Variants in DHX35 observed in about 807,000 individuals in gnomAD.
The protein encoded by DHX35 is probable ATP-dependent RNA helicase DHX35.
In DHX35, 84 loss-of-function variants were observed where a neutral mutation model predicts 99.6. That is an observed-to-expected ratio of 0.84 (90% CI 0.71 to 1.01). The LOEUF (loss-of-function observed/expected upper bound fraction) is 1.01. DHX35 is among the 50% of genes least tolerant of loss of function. The pLI, the probability that DHX35 is intolerant of heterozygous loss-of-function variation, is 0.00. For synonymous variants in DHX35, 331 were observed against 316.2 expected (o/e 1.05, Z -0.50); for missense variants, 852 against 888.5 (o/e 0.96, Z 0.52).
chr20:38,994,888 C>A lies in DHX35; in HGVS notation c.642+8C>A. The A allele has an allele frequency of 1.2e-6, 2 of 1,612,842 alleles. No homozygotes were observed. Among genetic ancestry groups the A allele is most frequent in the Non-Finnish European group, 1.7e-6 (2 of 1,178,928 alleles). The stretch of plus-strand genomic sequence containing the variant: ...GCCACTCTGGATGCAGACGTAAGAG[C>A]CTTGCCTCCCCTTTCCTCCTCTCCT... On this transcript the variant is annotated splice_region_variant and intron_variant, in intron 8 of 21. Coordinates refer to ENST00000252011, the MANE Select transcript of DHX35 (RefSeq NM_021931.4).
At chr20:38,988,076 G>A (rs546997424) in intron 4 of DHX35, among the ~76,000 whole-genome samples, 8 of 152,274 alleles carry the variant, frequency 5.3e-5, no homozygotes, top group African/African-American at 1.4e-4. Flanking sequence ...TGTGCCCTTT[G>A]TTTAGGAACA....
chr20:39,022,092 G>T, intron 16 of DHX35, among the ~76,000 whole-genome samples, 157 bp downstream of exon 16: 1 of 152,194 alleles, frequency 6.6e-6, no homozygotes, highest in East Asian at 1.9e-4. Flanking sequence ...TGTGTCAGGT[G>T]TTTTGCAGGC....
At chr20:38,989,544 G>A (rs2086305755) in intron 5 of DHX35, among the ~76,000 whole-genome samples, 3 of 152,078 alleles carry the variant, frequency 2.0e-5, no homozygotes, top group Admixed American at 2.0e-4. Context: ...GATATTATAT[G>A]CCAATCAGTG....
At chr20:38,977,027 C>G (rs761444020) in intron 3 of DHX35, among the ~76,000 whole-genome samples, 3 of 152,154 alleles carry the variant, frequency 2.0e-5, no homozygotes, top group Non-Finnish European at 4.4e-5. Flanking sequence ...TAGGCTGATT[C>G]CATGTCTCGG....
intron 17 of DHX35, 103 bp from the exon 18 acceptor site, chr20:39,025,127 G>A (rs371085324): frequency 1.3e-4 from 170 of 1,347,562 alleles, no homozygotes; most frequent in Admixed American, 1.7e-4. Flanking sequence ...ATCTTATGCC[G>A]TTGAACAGCA....
intron 3 of DHX35, among the ~76,000 whole-genome samples, chr20:38,976,778 C>T (rs1024197749): frequency 2.0e-5 from 3 of 152,158 alleles, no homozygotes; most frequent in African/African-American, 7.2e-5. Context: ...TCTGCAGCCC[C>T]TAGTATCCAC....
intron 7 of DHX35, 27 bp from the exon 8 acceptor site, chr20:38,994,794 A>G (rs1217729682): frequency 1.3e-6 from 2 of 1,590,936 alleles, no homozygotes; most frequent in Non-Finnish European, 1.7e-6. Context: ...CACTATTATC[A>G]TTATTTCCAA....
At chr20:38,994,093 A>G (rs944532839) in intron 7 of DHX35, among the ~76,000 whole-genome samples, 2 of 152,002 alleles carry the variant, frequency 1.3e-5, no homozygotes, top group Non-Finnish European at 2.9e-5. Context: ...ATTAGTTGTT[A>G]TTATTATTAT....
intron 3 of DHX35, 53 bp from the exon 4 acceptor site, chr20:38,983,646 T>C (rs1300959185): frequency 6.8e-7 from 1 of 1,470,172 alleles, no homozygotes; most frequent in Non-Finnish European, 9.5e-7. Context: ...TTGGGGGAGA[T>C]TGCTCTGCAA....
chr20:38,996,090 C>T (rs566151123), intron 8 of DHX35, among the ~76,000 whole-genome samples: 13 of 152,290 alleles, frequency 8.5e-5, no homozygotes, highest in African/African-American at 2.6e-4. Flanking sequence ...ATTCCTTCCC[C>T]GGACAGCCTA....
intron 1 of DHX35, among the ~76,000 whole-genome samples, chr20:38,967,673 C>G (rs1315330753): frequency 6.6e-6 from 1 of 152,170 alleles, no homozygotes; most frequent in Non-Finnish European, 1.5e-5. Context: ...ATATGGCTTC[C>G]CTATTCTTCA....
intron 12 of DHX35, among the ~76,000 whole-genome samples, chr20:39,008,723 A>C (rs1302199639): frequency 6.6e-6 from 1 of 152,094 alleles, no homozygotes; most frequent in African/African-American, 2.4e-5. Flanking sequence ...ACTAACCACT[A>C]CAAATTGCTT....
rs758290414 is a variant in DHX35, at chr20:38,992,403, T to G, written c.560T>G (p.Ile187Ser). The G allele has an allele frequency of 6.2e-7, 1 of 1,614,158 alleles. No homozygotes were observed. Among genetic ancestry groups the G allele is most frequent in the South Asian group, 1.1e-5 (1 of 91,080 alleles). ...EAHERTLYTD[I>S]AIGLLKKIQK... is the part of the protein sequence containing the mutation. ...CACGAGAGGACCTTGTACACTGACA[T>G]TGCCATTGGCTTGCTAAAAAAGGTA... Residue 187 changes from isoleucine to serine, a missense_variant, in exon 7 of 22, where the codon ATT (isoleucine) becomes AGT (serine). Transcript: ENST00000252011.
At chr20:39,013,193 G>T (rs765619513) in intron 13 of DHX35, among the ~76,000 whole-genome samples, 6 of 151,884 alleles carry the variant, frequency 4.0e-5, no homozygotes, top group South Asian at 2.1e-4. Context: ...TGAAATTGTG[G>T]TTTTTATGAT....
intron 15 of DHX35, among the ~76,000 whole-genome samples, chr20:39,021,282 C>T (rs1440855268): frequency 6.6e-6 from 1 of 152,194 alleles, no homozygotes; most frequent in Non-Finnish European, 1.5e-5. Context: ...CCAGATGTTC[C>T]CACAGGAGGG....
chr20:38,991,156 A>G (rs1341310483), intron 5 of DHX35, among the ~76,000 whole-genome samples: 2 of 152,184 alleles, frequency 1.3e-5, no homozygotes, highest in Admixed American at 1.3e-4. Flanking sequence ...CTGCCTCTTT[A>G]TCGATAGTAC....
chr20:39,038,832 C>T lies in DHX35; in HGVS notation c.*289C>T. On this transcript the variant is annotated 3_prime_UTR_variant, in exon 22 of 22. Transcript: ENST00000252011. ...CACTAACCCAGCATGCCACTTCCAG[C>T]AGGCATGCAGTCCTGGCCCAGCTCT... 1 of 489,154 alleles carries T rather than the reference C, an allele frequency of 2.0e-6. No homozygotes were observed. Among genetic ancestry groups the T allele is most frequent in the East Asian group, 3.7e-5 (1 of 26,944 alleles). 30.3% of individuals were successfully genotyped at this position (489,154 alleles called of 1,614,324 possible). A position where few individuals can be genotyped will look rare whatever the true frequency, so the allele number is the denominator to read the frequency against.
chr20:38,993,328 C>CA (rs1360499132), intron 7 of DHX35, among the ~76,000 whole-genome samples: 1 of 152,204 alleles, frequency 6.6e-6, no homozygotes. Flanking sequence ...TTCAGGTTCT[C>CA]AGTCACGTTG....
At position 39,002,776 on chromosome 20, in the gene DHX35, G is replaced by T; in HGVS notation, c.760G>T (p.Val254Phe). The T allele has an allele frequency of 6.2e-7, 1 of 1,613,860 alleles. No individual in the cohort carries two copies. Among genetic ancestry groups the T allele is most frequent in the Non-Finnish European group, 8.5e-7 (1 of 1,179,820 alleles). ...PVDIFYLQSP[V>F]PDYIKSTVET... ...TCATCCCATTTGTCTTTTCAGTCCT[G>T]TTCCAGATTATATCAAATCAACTGT... Residue 254 changes from valine to phenylalanine, a missense_variant, in exon 10 of 22, where the codon GTT becomes TTT. Val to Phe is a conservative substitution (Grantham distance 50, BLOSUM62 -1). Transcript: ENST00000252011.
Sources: gnomAD v4.1 joint callset for allele counts (sites outside exome capture counted in the v4.1 genomes callset) on GRCh38, gnomAD v4.1.1 for gene constraint, MANE v1.5 for transcripts, NCBI Gene and HGNC (gene_info 2026-07-23, HGNC 2026-07-21) for gene names.